Variants in ABLIM2 observed in about 807,000 individuals in gnomAD.
The protein encoded by ABLIM2 is actin-binding LIM protein 2.
A neutral mutation model predicts 97.7 loss-of-function variants in ABLIM2; 53 were observed. The ratio of observed to expected loss-of-function variants is 0.54; its 90% CI spans 0.44 to 0.68. ABLIM2 has a LOEUF of 0.68. Ranked by LOEUF, ABLIM2 falls within the 30% of genes least tolerant of loss-of-function variation. The pLI is 0.00. For missense variants in ABLIM2, 835 were observed against 867.2 expected, an observed-to-expected ratio of 0.96 and a Z score of 0.47; for synonymous variants, 361 against 345.8, an observed-to-expected ratio of 1.04 and a Z score of -0.49.
chr4:8,014,915 C>CCTTT (rs1302519734), intron 14 of ABLIM2, among the ~76,000 whole-genome samples: 61 of 146,988 alleles, frequency 4.2e-4, no homozygotes, highest in Admixed American at 1.7e-3. Flanking sequence ...TTCCTTCCTT[C>CCTTT]CTTTCTTTCT....
At chr4:8,134,153 C>T (rs925352858) in intron 1 of ABLIM2, among the ~76,000 whole-genome samples, 1 of 152,142 alleles carries the variant, frequency 6.6e-6, no homozygotes, top group Non-Finnish European at 1.5e-5. Flanking sequence ...CGAGGCCAGG[C>T]GGAAACAAAG....
At chr4:8,057,321 G>C (rs948931126) in intron 7 of ABLIM2, among the ~76,000 whole-genome samples, 2 of 152,026 alleles carry the variant, frequency 1.3e-5, no homozygotes, top group Non-Finnish European at 1.5e-5. Flanking sequence ...TCCGACTTCG[G>C]GTGATCCATC....
chr4:8,076,737 G>T (rs1163072231), intron 6 of ABLIM2, among the ~76,000 whole-genome samples: 1 of 145,336 alleles, frequency 6.9e-6, no homozygotes, highest in African/African-American at 2.5e-5. Context: ...CTGCAGGGTT[G>T]GGGGGGGTCT....
At position 8,002,676 on chromosome 4, in the gene ABLIM2, C is replaced by T. The variant is rs1436120306; in HGVS notation, c.1618+5383G>A. Among the ~76,000 whole-genome samples, 1 of 152,188 alleles carries T rather than the reference C, an allele frequency of 6.6e-6. No individual in the cohort carries two copies. Among genetic ancestry groups the T allele is most frequent in the Non-Finnish European group, 1.5e-5 (1 of 68,038 alleles). On this transcript the variant is annotated intron_variant, in intron 16 of 20. Coordinates refer to ENST00000447017, the MANE Select transcript of ABLIM2 (RefSeq NM_001130083.2). This position sits in a 1 kb window ranked among gnomAD's most constrained non-coding sequence, Gnocchi z 6.1. Reference sequence around the variant, plus strand: ...CCCAAGGCCGCCCTGCTCCTGCCTCCAGACCTGTCTACAGGCTGTCTGTGC... The same window carrying T: ...CCCAAGGCCGCCCTGCTCCTGCCTCTAGACCTGTCTACAGGCTGTCTGTGC...
intron 1 of ABLIM2, among the ~76,000 whole-genome samples, chr4:8,110,100 G>A (rs1310442498): frequency 6.6e-6 from 1 of 152,254 alleles, no homozygotes; most frequent in Non-Finnish European, 1.5e-5. Flanking sequence ...GCCACGCATG[G>A]CCCAGGCCAT....
chr4:8,034,165 G>T (rs574437675), intron 10 of ABLIM2, among the ~76,000 whole-genome samples: 1 of 152,336 alleles, frequency 6.6e-6, no homozygotes, highest in East Asian at 1.9e-4. Flanking sequence ...AGTCCTCACG[G>T]ACTCTCTTCC....
rs1846205580 is a variant in ABLIM2, at chr4:8,123,091, G to A, written c.11-16454C>T. On this transcript the variant is annotated intron_variant, in intron 1 of 20. Transcript: ENST00000447017. This position sits in a 1 kb window ranked among gnomAD's most constrained non-coding sequence, Gnocchi z 6.2. ...CCTGTGCGTGGTTAATGCCCTCAAA[G>A]CCCAGCACTGTGTCCCAGCACTGCT... is the stretch of plus-strand genomic sequence containing the variant. Among the ~76,000 whole-genome samples, 2 of 152,180 alleles carry A rather than the reference G, an allele frequency of 1.3e-5. No homozygotes were observed. Among genetic ancestry groups the A allele is most frequent in the African/African-American group, 4.8e-5 (2 of 41,442 alleles).
rs1208493203 is a variant in ABLIM2, at chr4:8,148,613, G to C, written c.10+10067C>G. 6.6e-6 allele frequency among the ~76,000 whole-genome samples: 1 copy of C among 152,192 alleles called. No homozygotes were observed. The highest frequency in any genetic ancestry group is 2.1e-4 in the South Asian group (1 of 4,826). ...GGGTGAAAGCACATCGCGGTGCTGGGTCCACACTGGGGAAGCGCGTAAGCC... is the reference window on the plus strand; with the variant it reads ...GGGTGAAAGCACATCGCGGTGCTGGCTCCACACTGGGGAAGCGCGTAAGCC... On this transcript the variant is annotated intron_variant, in intron 1 of 20. Transcript: ENST00000447017. This position sits in a 1 kb window ranked among gnomAD's most constrained non-coding sequence, Gnocchi z 6.7.
intron 1 of ABLIM2, among the ~76,000 whole-genome samples, chr4:8,117,136 G>C (rs1292947747): frequency 6.6e-6 from 1 of 152,156 alleles, no homozygotes; most frequent in Non-Finnish European, 1.5e-5. Context: ...TTCAAATCCT[G>C]GCGTGACCTT....
Position 8,088,993 on chromosome 4 carries a change from G to A in ABLIM2, c.339-709C>T, listed in dbSNP as rs561071532. Among the ~76,000 whole-genome samples, 245 of 152,290 alleles carry A rather than the reference G, an allele frequency of 1.6e-3. 5 individuals are homozygous for A. The highest frequency in any genetic ancestry group is 1.8e-3 in the Non-Finnish European group (123 of 68,026). On this transcript the variant is annotated intron_variant, in intron 3 of 20. Transcript: ENST00000447017. ...TAGACAGGAAGATGCTGGACAATCG[G>A]ATCCTGTCTTTATTTAAAATTCTGC...
At chr4:8,038,242 T>C (rs1049584214) in intron 9 of ABLIM2, among the ~76,000 whole-genome samples, 1 of 152,184 alleles carries the variant, frequency 6.6e-6, no homozygotes, top group Non-Finnish European at 1.5e-5. Flanking sequence ...GTTGGGTAAC[T>C]TGCCCAGACT....
At position 7,967,065 on chromosome 4, in the gene ABLIM2, C is replaced by A. The variant is rs527726932; in HGVS notation, c.1863G>T (p.Gly621=). ...GGCGGTCAAACTCCTCGATGCTCAT[C>A]CCAAACACTTCCTGGAACTCCTCGG... ...LSPEEFQEVF[G]MSIEEFDRLA... The change falls in exon 21 of 21, where the codon GGG becomes GGT. Residue 621 remains glycine (G), a synonymous_variant. Transcript: ENST00000447017. 7.9e-5 allele frequency: 128 copies of A among 1,613,892 alleles called. No individual in the cohort carries two copies. In the South Asian group the frequency reaches 1.3e-3, roughly 17 times the overall value.
intron 1 of ABLIM2, among the ~76,000 whole-genome samples, chr4:8,135,621 T>A (rs1850077226): frequency 6.6e-6 from 1 of 152,250 alleles, no homozygotes; most frequent in Non-Finnish European, 1.5e-5. Context: ...ATCTGGGACC[T>A]CCAGCCTCCA....
intron 14 of ABLIM2, among the ~76,000 whole-genome samples, chr4:8,018,597 C>A (rs1771213836): frequency 6.6e-6 from 1 of 152,172 alleles, no homozygotes; most frequent in Non-Finnish European, 1.5e-5. Context: ...AGTACAGGAC[C>A]TATTGCCATG....
At chr4:8,006,176 G>A (rs1443530564) in intron 16 of ABLIM2, among the ~76,000 whole-genome samples, 2 of 152,252 alleles carry the variant, frequency 1.3e-5, no homozygotes, top group Non-Finnish European at 2.9e-5. Context: ...CGAGGAAGCA[G>A]TGCACGAGGT....
At chr4:8,024,422 C>T (rs56108386) in intron 12 of ABLIM2, among the ~76,000 whole-genome samples, 6 of 152,142 alleles carry the variant, frequency 3.9e-5, no homozygotes, top group African/African-American at 1.2e-4. Flanking sequence ...GGGGGTGGGG[C>T]CAGGCCTTGC....
At chr4:8,142,367 C>T (rs1243557175) in intron 1 of ABLIM2, among the ~76,000 whole-genome samples, 2 of 152,346 alleles carry the variant, frequency 1.3e-5, no homozygotes, top group East Asian at 1.9e-4. Context: ...GGGCCAGCAC[C>T]GAGGTGCAGC....
Position 8,145,317 on chromosome 4 carries a change from G to A in ABLIM2, c.10+13363C>T, listed in dbSNP as rs372891072. Among the ~76,000 whole-genome samples the A allele has an allele frequency of 1.2e-4, 18 of 152,104 alleles. 1 individual carries two copies. In the South Asian group the frequency reaches 3.7e-3, roughly 32 times the overall value. On this transcript the variant is annotated intron_variant, in intron 1 of 20. Transcript: ENST00000447017. ...TCCTGCTTCAGCCTCCTGAGTAGCT[G>A]GGATTACAGGCACACACCACCACGC...
rs926353085 is a variant in ABLIM2 at position 8,127,576 on chromosome 4, C to T, written c.11-20939G>A. ...GTCTCCCCCTGGCACCCCCATGGAG[C>T]GTGGCTGCTTGCAAAGGGCCAGCGG... is the stretch of plus-strand genomic sequence containing the variant. On this transcript the variant is annotated intron_variant, in intron 1 of 20. Coordinates refer to ENST00000447017, the MANE Select transcript of ABLIM2 (RefSeq NM_001130083.2). The surrounding 1 kb of genome is among the most constrained non-coding windows in gnomAD (Gnocchi z 7.3). 4.0e-5 allele frequency: 52 copies of T among 1,289,732 alleles called. No homozygotes were observed. In the African/African-American group the frequency reaches 4.1e-4, roughly 10 times the overall value. 79.9% of individuals were successfully genotyped at this position (1,289,732 alleles called of 1,614,324 possible).
Sources: allele counts gnomAD v4.1 joint callset (sites outside exome capture counted in the v4.1 genomes callset), GRCh38; gene constraint gnomAD v4.1.1; non-coding constraint Gnocchi (gnomAD v3.1); transcripts MANE v1.5; gene names NCBI Gene and HGNC (gene_info 2026-07-23, HGNC 2026-07-21).